DPP6: variants seen among roughly 807,000 people sequenced by gnomAD.
The protein encoded by DPP6 is dipeptidyl peptidase like 6, also known as A-type potassium channel modulatory protein DPP6.
Under a neutral mutation model 122.6 loss-of-function variants are expected in DPP6, and 69 were observed. The ratio of observed to expected loss-of-function variants is 0.56; its 90% CI spans 0.46 to 0.69. The LOEUF (loss-of-function observed/expected upper bound fraction) is 0.69. DPP6 is among the 30% of genes least tolerant of loss of function. The pLI, the probability that DPP6 is intolerant of heterozygous loss-of-function variation, is 0.00. For missense variants in DPP6, 928 were observed against 1,116.9 expected, an observed-to-expected ratio of 0.83 and a Z score of 2.41; for synonymous variants, 418 against 433.1, an observed-to-expected ratio of 0.97 and a Z score of 0.43.
chr7:154,325,893 G>C (rs550247277), intron 1 of DPP6, among the ~76,000 whole-genome samples: 1 of 152,120 alleles, frequency 6.6e-6, no homozygotes, highest in South Asian at 2.1e-4. Flanking sequence ...TACTTTTTTG[G>C]AGGTTTTGTT....
intron 6 of DPP6, among the ~76,000 whole-genome samples, chr7:154,659,360 T>C (rs554859079): frequency 2.0e-5 from 3 of 152,196 alleles, no homozygotes; most frequent in African/African-American, 4.8e-5. Flanking sequence ...TATTCAACCA[T>C]TGATCCTTCC....
intron 1 of DPP6, among the ~76,000 whole-genome samples, chr7:154,117,598 T>C (rs1378409439): frequency 6.6e-6 from 1 of 152,234 alleles, no homozygotes; most frequent in Admixed American, 6.5e-5. Flanking sequence ...TTGTTCAGCA[T>C]GACTGGGAAC....
intron 1 of DPP6, among the ~76,000 whole-genome samples, chr7:154,181,258 T>G (rs1798066237): frequency 6.6e-6 from 1 of 152,154 alleles, no homozygotes; most frequent in South Asian, 2.1e-4. Context: ...ATTTCTTTAT[T>G]TTGGTTTTCC....
At chr7:154,059,466 GCAGCT>G (rs1801360411) in intron 1 of DPP6, 1 of 151,246 alleles carries the variant, frequency 6.6e-6, no homozygotes, top group South Asian at 2.1e-4. Flanking sequence ...GGGTCCGAAC[GCAGCT>G]CGGGAACAGA....
chr7:153,836,981 C>CA, the DPP6 span, among the ~76,000 whole-genome samples: 24 of 152,190 alleles, frequency 1.6e-4, no homozygotes, highest in Admixed American at 1.6e-3. Context: ...CATCCTTGGT[C>CA]AGTCAGGGCC....
chr7:154,776,195 T>C (rs1796548826), intron 10 of DPP6, among the ~76,000 whole-genome samples: 1 of 103,258 alleles, frequency 9.7e-6, no homozygotes, highest in African/African-American at 3.9e-5. Context: ...GCCCCCATGA[T>C]AGATGATAGA....
chr7:153,797,145 G>A, the DPP6 span, among the ~76,000 whole-genome samples: 5 of 152,268 alleles, frequency 3.3e-5, no homozygotes, highest in South Asian at 8.3e-4. Flanking sequence ...TGAGATGACT[G>A]CATCTCTGGC....
chr7:154,043,103 A>C (rs149671011), intron 1 of DPP6, among the ~76,000 whole-genome samples: 1,910 of 152,180 alleles, frequency 0.013, 31 homozygotes, highest in African/African-American at 0.044. Flanking sequence ...AAAAGTGAGT[A>C]CTGGCTGGGC....
At chr7:153,852,707 G>GA in the DPP6 span, among the ~76,000 whole-genome samples, 22 of 152,088 alleles carry the variant, frequency 1.4e-4, 1 homozygote, top group Admixed American at 9.8e-4. Flanking sequence ...GCTTATTTAT[G>GA]AAAAAAATAG....
the DPP6 span, among the ~76,000 whole-genome samples, chr7:153,818,118 T>C: frequency 4.0e-5 from 6 of 151,540 alleles, no homozygotes; most frequent in Non-Finnish European, 4.4e-5. Context: ...AATCCAGCAA[T>C]TCAAAGAGAG....
At chr7:154,117,492 T>C (rs1394511223) in intron 1 of DPP6, among the ~76,000 whole-genome samples, 4 of 152,182 alleles carry the variant, frequency 2.6e-5, no homozygotes, top group Non-Finnish European at 4.4e-5. Flanking sequence ...TACCTCACTG[T>C]AGGTTTCTTT....
chr7:154,645,423 A>G (rs964853685), intron 6 of DPP6, among the ~76,000 whole-genome samples: 31 of 151,952 alleles, frequency 2.0e-4, no homozygotes, highest in Non-Finnish European at 4.4e-5. Context: ...TGCCTGTAAG[A>G]CTTGGTCTCA....
Position 154,803,894 on chromosome 7 carries a change from A to C in DPP6, c.1438A>C (p.Ile480Leu), listed in dbSNP as rs754018226. ...CAGCAGCAACGACAACATCCAGTCC[A>C]TCACCTCCGGGGACTGGGACGTGAC... ...PNSSNDNIQS[I>L]TSGDWDVTKI... The change falls in exon 14 of 26, where the codon ATC (isoleucine) becomes CTC (leucine). Residue 480 changes from isoleucine (I) to leucine (L), a missense_variant. Physicochemically the swap from Ile to Leu is conservative, Grantham distance 5. Coordinates refer to ENST00000377770, the MANE Select transcript of DPP6 (RefSeq NM_130797.4). 6.2e-7 allele frequency: 1 copy of C among 1,613,940 alleles called. No homozygotes were observed. Among genetic ancestry groups the C allele is most frequent in the East Asian group, 2.2e-5 (1 of 44,886 alleles).
At chr7:154,170,406 C>T (rs1797476194) in intron 1 of DPP6, among the ~76,000 whole-genome samples, 1 of 152,226 alleles carries the variant, frequency 6.6e-6, no homozygotes, top group Non-Finnish European at 1.5e-5. Flanking sequence ...TGATGATTGA[C>T]ACTGTGACTT....
intron 1 of DPP6, among the ~76,000 whole-genome samples, chr7:154,436,229 C>G (rs10952480): frequency 0.33 from 50,028 of 150,206 alleles, 10,142 homozygotes; most frequent in East Asian, 0.55. Flanking sequence ...CCAGCTTCAT[C>G]TCGGATGCTT....
Position 154,182,900 on chromosome 7 carries a change from T to C in DPP6, c.243+129837T>C, listed in dbSNP as rs564063597. ...TATTCTCCCAGAAATAGGTTCTTGG[T>C]TCTCATTCTCCTTTCCTGAGCCCTC... On this transcript the variant is annotated intron_variant, in intron 1 of 25. Coordinates refer to ENST00000377770, the MANE Select transcript of DPP6 (RefSeq NM_130797.4). Among the ~76,000 whole-genome samples the C allele has an allele frequency of 1.4e-4, 21 of 152,262 alleles. No homozygotes were observed. The South Asian group carries it at 3.7e-3, about 27-fold the overall frequency.
chr7:154,869,279 G>A (rs1804170128), intron 18 of DPP6, among the ~76,000 whole-genome samples: 1 of 152,154 alleles, frequency 6.6e-6, no homozygotes, highest in Admixed American at 6.5e-5. Context: ...CAGCTTAGAG[G>A]AGACACAATC....
chr7:153,834,764 T>G, the DPP6 span, among the ~76,000 whole-genome samples: 1 of 152,100 alleles, frequency 6.6e-6, no homozygotes, highest in Non-Finnish European at 1.5e-5. Flanking sequence ...ATAAACAATT[T>G]AGGGCAAGGA....
chr7:154,596,373 G>A (rs1833091585), intron 5 of DPP6, among the ~76,000 whole-genome samples: 1 of 152,242 alleles, frequency 6.6e-6, no homozygotes, highest in Non-Finnish European at 1.5e-5. Context: ...ACTCGCAAGT[G>A]CCAGGAATTC....
Sources: gnomAD v4.1 joint callset for allele counts (sites outside exome capture counted in the v4.1 genomes callset) on GRCh38, gnomAD v4.1.1 for gene constraint, MANE v1.5 for transcripts, NCBI Gene and HGNC (gene_info 2026-07-23, HGNC 2026-07-21) for gene names.